Variants in PPP2CA observed in about 807,000 individuals in gnomAD.
The protein encoded by PPP2CA is protein phosphatase 2 catalytic subunit alpha, also known as serine/threonine-protein phosphatase 2A catalytic subunit alpha isoform.
PPP2CA carries 5 observed loss-of-function variants against 38.8 expected under a neutral mutation model. The ratio of observed to expected loss-of-function variants is 0.13; its 90% CI spans 0.07 to 0.27. The LOEUF is 0.27. PPP2CA is among the 10% of genes least tolerant of loss of function. The pLI is 1.00. For synonymous variants in PPP2CA, 152 were observed against 134.0 expected (o/e 1.13, Z -0.93); for missense variants, 88 against 389.7 (o/e 0.23, Z 6.52).
Position 134,226,070 on chromosome 5 carries a change from C to T in PPP2CA, c.-209G>A, listed in dbSNP as rs1762576813. 4 of 445,254 alleles carry T rather than the reference C, an allele frequency of 9.0e-6. No individual in the cohort carries two copies. Among genetic ancestry groups the T allele is most frequent in the South Asian group, 3.7e-5 (1 of 27,042 alleles). The allele number at this position is 445,254 out of a possible 1,614,324, so 27.6% of individuals were successfully genotyped here. A position where few individuals can be genotyped will look rare whatever the true frequency, so the allele number is the denominator to read the frequency against. On this transcript the variant is annotated 5_prime_UTR_variant, in exon 1 of 7. Coordinates refer to ENST00000481195, the MANE Select transcript of PPP2CA (RefSeq NM_002715.4). ...CGCTGAGGCTCCAGAGCTCGGCTCT[C>T]TGTAATGGCGGCCGCCGGGCGTGGT...
chr5:134,199,089 G>C lies in PPP2CA; in HGVS notation c.854C>G (p.Ser285Cys). The C allele has an allele frequency of 6.3e-7, 1 of 1,599,152 alleles. No homozygotes were observed. The highest frequency in any genetic ancestry group is 8.6e-7 in the Non-Finnish European group (1 of 1,166,504). The change falls in exon 6 of 7, where the codon TCT becomes TGT. Residue 285 changes from serine to cysteine, a missense_variant. By Grantham distance (112) the Ser-to-Cys change is moderately radical (BLOSUM62 -1). Around this residue, in one of 4 missense-constraint regions of PPP2CA, gnomAD observed 36 missense variants for 259.8 expected, o/e 0.14. Coordinates refer to ENST00000481195, the MANE Select transcript of PPP2CA (RefSeq NM_002715.4). Reference protein sequence around the residue: ...IMELDDTLKYSFLQFDPAPRR... With the variant: ...IMELDDTLKYCFLQFDPAPRR... ...ATGTTCAGGTAGAATTACTTACAAA[G>C]AGTATTTTAGAGTATCGTCAAGTTC...
Position 134,196,951 on chromosome 5 carries a change from G to A in PPP2CA, c.*821C>T, listed in dbSNP as rs1227827820. On this transcript the variant is annotated 3_prime_UTR_variant, in exon 7 of 7. Coordinates refer to ENST00000481195, the MANE Select transcript of PPP2CA (RefSeq NM_002715.4). ...AAGTTAATCTGAAGAATGTCAAGGA[G>A]TTACCAGAGAGGTTATGTAGTGCCC... is the stretch of plus-strand genomic sequence containing the variant. The A allele has an allele frequency of 1.0e-4, 16 of 152,746 alleles. No individual in the cohort carries two copies. The highest frequency in any genetic ancestry group is 1.0e-3 in the Admixed American group (16 of 15,306). 9.5% of individuals were successfully genotyped at this position (152,746 alleles called of 1,614,324 possible). A position where few individuals can be genotyped will look rare whatever the true frequency, so the allele number is the denominator to read the frequency against.
At chr5:134,225,488 G>A in intron 1 of PPP2CA, 3 of 397,254 alleles carry the variant, frequency 7.6e-6, no homozygotes, top group Non-Finnish European at 4.6e-6. Flanking sequence ...CGCTCCCCCT[G>A]CCACCTCGTC....
In PPP2CA at chr5:134,196,952, TTACC is replaced by T. The variant is rs1304770916; in HGVS notation, c.*816_*819del. 1 of 152,586 alleles carries T rather than the reference TTACC, an allele frequency of 6.6e-6. No homozygotes were observed. Among genetic ancestry groups the T allele is most frequent in the Non-Finnish European group, 1.5e-5 (1 of 68,018 alleles). The allele number at this position is 152,586 out of a possible 1,614,324, so 9.5% of individuals were successfully genotyped here. On this transcript the variant is annotated 3_prime_UTR_variant, in exon 7 of 7. Coordinates refer to ENST00000481195, the MANE Select transcript of PPP2CA (RefSeq NM_002715.4). ...AGTTAATCTGAAGAATGTCAAGGAGTTACCAGAGAGGTTATGTAGTGCCCTTGAT... is the reference window on the plus strand; with the variant it reads ...AGTTAATCTGAAGAATGTCAAGGAGTAGAGAGGTTATGTAGTGCCCTTGAT...
intron 1 of PPP2CA, chr5:134,225,459 C>A (rs2149390164): frequency 3.2e-6 from 1 of 310,134 alleles, no homozygotes; most frequent in East Asian, 7.3e-5. Flanking sequence ...CCGTCCCTGA[C>A]GATGACCCAC....
chr5:134,195,507 CAA>C lies in PPP2CA; in HGVS notation c.*2263_*2264del, dbSNP rs1446350291. On this transcript the variant is annotated 3_prime_UTR_variant, in exon 7 of 7. Transcript: ENST00000481195. ...AAGGGATCCACCCACCCTGGTCTCC[CAA>C]AGTGCTGGGATTACAGGCATGAGCC... 1 of 152,184 alleles carries C rather than the reference CAA, an allele frequency of 6.6e-6. No homozygotes were observed. The highest frequency in any genetic ancestry group is 2.4e-5 in the African/African-American group (1 of 41,424). The allele number at this position is 152,184 out of a possible 1,614,324, so 9.4% of individuals were successfully genotyped here.
At chr5:134,209,016 T>C (rs1375404682) in intron 1 of PPP2CA, among the ~76,000 whole-genome samples, 2 of 152,192 alleles carry the variant, frequency 1.3e-5, no homozygotes, top group Non-Finnish European at 2.9e-5. Flanking sequence ...TGCAGGCACA[T>C]TTCCTGAGAG....
At chr5:134,203,001 C>T (rs1048682105) in intron 2 of PPP2CA, among the ~76,000 whole-genome samples, 1 of 152,186 alleles carries the variant, frequency 6.6e-6, no homozygotes, top group South Asian at 2.1e-4. Flanking sequence ...CATGTGCTCA[C>T]TGACCACTCA....
intron 1 of PPP2CA, among the ~76,000 whole-genome samples, chr5:134,219,155 T>C (rs1357529486): frequency 2.0e-5 from 3 of 152,170 alleles, no homozygotes; most frequent in African/African-American, 2.4e-5. Flanking sequence ...TTCTAAAACA[T>C]TCCCTATCTA....
intron 1 of PPP2CA, 122 bp downstream of exon 1, chr5:134,225,638 G>C: frequency 2.6e-6 from 2 of 765,028 alleles, no homozygotes; most frequent in Non-Finnish European, 3.9e-6. Context: ...GATGGGCGCC[G>C]GTCTCGGAGA....
chr5:134,198,206 C>G (rs976338503), intron 6 of PPP2CA, among the ~76,000 whole-genome samples: 1 of 151,798 alleles, frequency 6.6e-6, no homozygotes, highest in South Asian at 2.1e-4. Flanking sequence ...CTGGCTACCA[C>G]GGTGAAACCC....
In PPP2CA at chr5:134,225,744, C is replaced by G. The variant is rs1391290985; in HGVS notation, c.102+16G>C. 1.3e-6 allele frequency: 2 copies of G among 1,598,200 alleles called. No homozygotes were observed. Among genetic ancestry groups the G allele is most frequent in the Admixed American group, 3.4e-5 (2 of 59,460 alleles). On this transcript the variant is annotated intron_variant, in intron 1 of 6. Transcript: ENST00000481195. ...TCGGCCCCGCGGCGGCTGTCCGCAGCCGTACTACAGCTCACCTTCTCGCAG... is the reference window on the plus strand; with the variant it reads ...TCGGCCCCGCGGCGGCTGTCCGCAGGCGTACTACAGCTCACCTTCTCGCAG...
Position 134,199,209 on chromosome 5 carries a change from A to C in PPP2CA, c.739-5T>G. On this transcript the variant is annotated splice_polypyrimidine_tract_variant and splice_region_variant and intron_variant, in intron 5 of 6. Transcript: ENST00000481195. ...GTCATGGCACCAGTTATATCCCTGC[A>C]AGGAAAAGGAGACAAAAATCTTACT... 1 of 1,600,262 alleles carries C rather than the reference A, an allele frequency of 6.2e-7. No homozygotes were observed. Among genetic ancestry groups the C allele is most frequent in the Non-Finnish European group, 8.6e-7 (1 of 1,167,828 alleles).
intron 1 of PPP2CA, among the ~76,000 whole-genome samples, chr5:134,219,079 G>A (rs1762383915): frequency 6.6e-6 from 1 of 152,106 alleles, no homozygotes; most frequent in Middle Eastern, 3.2e-3. Flanking sequence ...TAGATAGTGG[G>A]CATTATTGCT....
At chr5:134,217,192 A>G (rs901892880) in intron 1 of PPP2CA, among the ~76,000 whole-genome samples, 1 of 152,142 alleles carries the variant, frequency 6.6e-6, no homozygotes, top group Admixed American at 6.5e-5. Flanking sequence ...GGGCAGGAGA[A>G]TTGCTTGAAT....
At chr5:134,202,075 A>G in intron 2 of PPP2CA, 54 bp from the exon 3 acceptor site, 1 of 1,497,680 alleles carries the variant, frequency 6.7e-7, no homozygotes, top group Admixed American at 2.5e-5. Context: ...AAACCAATGA[A>G]AATTCAAGAA....
intron 1 of PPP2CA, among the ~76,000 whole-genome samples, chr5:134,225,264 T>C (rs553872824): frequency 4.4e-4 from 67 of 152,334 alleles, no homozygotes; most frequent in African/African-American, 1.6e-3. Flanking sequence ...CAAGGGGTAC[T>C]AAAGCTGTGT....
At chr5:134,216,085 T>C (rs1186897927) in intron 1 of PPP2CA, among the ~76,000 whole-genome samples, 1 of 152,166 alleles carries the variant, frequency 6.6e-6, no homozygotes, top group Non-Finnish European at 1.5e-5. Context: ...TCAAAAACAG[T>C]TAATCACATA....
chr5:134,207,983 AC>A (rs561486221), intron 1 of PPP2CA, among the ~76,000 whole-genome samples: 90 of 152,304 alleles, frequency 5.9e-4, no homozygotes, highest in Middle Eastern at 3.4e-3. Context: ...TTATTCCATT[AC>A]CAAGTCTGTC....
Sources: gnomAD v4.1 joint callset for allele counts (sites outside exome capture counted in the v4.1 genomes callset) on GRCh38, gnomAD v4.1.1 for gene constraint, gnomAD v4.1.1 regional missense constraint, MANE v1.5 for transcripts, NCBI Gene and HGNC (gene_info 2026-07-23, HGNC 2026-07-21) for gene names.